Variants in GSE1 observed in about 807,000 individuals in gnomAD.
GSE1 encodes the protein genetic suppressor element 1.
Under a neutral mutation model 112.6 loss-of-function variants are expected in GSE1, and 32 were observed. The ratio of observed to expected loss-of-function variants is 0.28; its 90% confidence interval spans 0.21 to 0.38. The LOEUF is 0.38. Ranked by LOEUF, GSE1 falls within the 10% of genes least tolerant of loss-of-function variation. The pLI is 1.00. For missense variants in GSE1, 2,348 were observed against 1,699.2 expected (o/e 1.38, Z -6.71); for synonymous variants, 1,115 against 735.6 (o/e 1.52, Z -8.35).
chr16:85,653,040 T>G (rs2051508190), intron 3 of GSE1, among the ~76,000 whole-genome samples: 1 of 150,802 alleles, frequency 6.6e-6, no homozygotes, highest in African/African-American at 2.4e-5. Context: ...CACCCCCAGG[T>G]CAGGGTAGGC....
At chr16:85,410,325 C>CGGGCCCCTGG in intron 2 of GSE1, among the ~76,000 whole-genome samples, 1 of 58,356 alleles carries the variant, frequency 1.7e-5, no homozygotes. Context: ...CTGTTACACT[C>CGGGCCCCTGG]AGGCCCCCCT....
At chr16:85,495,664 A>T (rs112194389) in intron 2 of GSE1, among the ~76,000 whole-genome samples, 1,520 of 151,814 alleles carry the variant, frequency 0.01, 24 homozygotes, top group African/African-American at 0.034. Context: ...CTAATTTTTT[A>T]AAAAAAATTT....
intron 2 of GSE1, among the ~76,000 whole-genome samples, chr16:85,522,651 AGCAG>A (rs1326815271): frequency 6.6e-6 from 1 of 152,192 alleles, no homozygotes; most frequent in Admixed American, 6.5e-5. Flanking sequence ...CCAGGTTCAC[AGCAG>A]GCCGGCTCCG....
chr16:85,224,632 A>C (rs1191618430), intron 1 of GSE1, among the ~76,000 whole-genome samples: 1 of 152,148 alleles, frequency 6.6e-6, no homozygotes, highest in Admixed American at 6.5e-5. Context: ...CGACAGCTCC[A>C]TCCCTTCCCC....
At chr16:85,600,689 G>A (rs2047425822) in intron 1 of GSE1, among the ~76,000 whole-genome samples, 1 of 152,124 alleles carries the variant, frequency 6.6e-6, no homozygotes, top group Non-Finnish European at 1.5e-5. Context: ...GGCTGGCGTA[G>A]CATCGCAGAT....
intron 2 of GSE1, among the ~76,000 whole-genome samples, chr16:85,493,047 G>C (rs1192878560): frequency 1.3e-5 from 2 of 152,238 alleles, no homozygotes; most frequent in African/African-American, 4.8e-5. Flanking sequence ...GCTGGTGCCA[G>C]TGGGGGACAG....
At chr16:85,613,193 G>C, upstream of GSE1, 1 of 1,429,806 alleles carries the variant, frequency 7.0e-7, no homozygotes, top group Non-Finnish European at 9.1e-7. Context: ...GCCCGGGAGT[G>C]GGCGGCGTTG....
At chr16:85,237,110 G>C (rs903050952) in intron 1 of GSE1, among the ~76,000 whole-genome samples, 1 of 152,170 alleles carries the variant, frequency 6.6e-6, no homozygotes, top group African/African-American at 2.4e-5. Flanking sequence ...TGAATCACAA[G>C]GTCAGGAGTT....
At chr16:85,193,173 A>C (rs1049102194) in intron 1 of GSE1, among the ~76,000 whole-genome samples, 1 of 152,132 alleles carries the variant, frequency 6.6e-6, no homozygotes, top group Non-Finnish European at 1.5e-5. Context: ...AAAAAGGTTG[A>C]ACACCGAGTC....
At chr16:85,661,001 G>A (rs1451265695) in intron 8 of GSE1, 145 bp from the exon 9 acceptor site, 1 of 646,786 alleles carries the variant, frequency 1.5e-6, no homozygotes, top group Non-Finnish European at 2.7e-6. Flanking sequence ...TGGAGTGTGT[G>A]TCCCCTCCCT....
intron 2 of GSE1, among the ~76,000 whole-genome samples, chr16:85,486,090 A>T (rs1411211941): frequency 6.6e-6 from 1 of 152,120 alleles, no homozygotes; most frequent in Non-Finnish European, 1.5e-5. Context: ...CAGCCCTGCC[A>T]ACTGGGGGCA....
At chr16:85,204,086 A>G (rs1301133357) in intron 1 of GSE1, among the ~76,000 whole-genome samples, 2 of 152,194 alleles carry the variant, frequency 1.3e-5, no homozygotes, top group African/African-American at 2.4e-5. Context: ...CCAAAACTTT[A>G]ACCCCTAAAG....
chr16:85,369,414 C>G (rs2047249318), intron 2 of GSE1, among the ~76,000 whole-genome samples: 1 of 152,096 alleles, frequency 6.6e-6, no homozygotes, highest in African/African-American at 2.4e-5. Flanking sequence ...TGGGGTCTCA[C>G]TCTGTTGTGC....
chr16:85,493,315 G>GTTT (rs1567533770), intron 2 of GSE1, among the ~76,000 whole-genome samples: 1 of 151,956 alleles, frequency 6.6e-6, no homozygotes, highest in Non-Finnish European at 1.5e-5. Flanking sequence ...GGGCAGGGTG[G>GTTT]TGCACATCTG....
chr16:85,331,447 ATATG>A (rs1162698197), intron 1 of GSE1, among the ~76,000 whole-genome samples: 3 of 144,782 alleles, frequency 2.1e-5, no homozygotes, highest in East Asian at 2.0e-4. Context: ...ATATGCGTAT[ATATG>A]TATATATATG....
intron 1 of GSE1, among the ~76,000 whole-genome samples, chr16:85,585,058 G>A (rs1022564401): frequency 3.3e-5 from 5 of 152,198 alleles, no homozygotes; most frequent in Admixed American, 6.5e-5. Context: ...TTTCACTGAC[G>A]GGAAAGAAAA....
intron 2 of GSE1, among the ~76,000 whole-genome samples, chr16:85,532,677 C>T (rs112257574): frequency 4.6e-5 from 7 of 152,184 alleles, no homozygotes; most frequent in Non-Finnish European, 8.8e-5. Flanking sequence ...CTGAGCAGAG[C>T]CCCCAGGCTC....
intron 13 of GSE1, chr16:85,666,548 T>G (rs1016747254): frequency 3.3e-6 from 2 of 607,114 alleles, no homozygotes; most frequent in Non-Finnish European, 5.8e-6. Flanking sequence ...AACTCGTAGG[T>G]GAGAAACGTT....
intron 2 of GSE1, among the ~76,000 whole-genome samples, chr16:85,491,482 G>A (rs1024644189): frequency 6.6e-6 from 1 of 152,184 alleles, no homozygotes; most frequent in Admixed American, 6.5e-5. Context: ...AAGGTGATAT[G>A]TGCCAGATGA....
Sources: allele counts gnomAD v4.1 joint callset (sites outside exome capture counted in the v4.1 genomes callset), GRCh38; gene constraint gnomAD v4.1.1; transcripts MANE v1.5; gene names NCBI Gene and HGNC (gene_info 2026-07-23, HGNC 2026-07-21).